AFAP1L2: variants seen among roughly 807,000 people sequenced by gnomAD.
AFAP1L2 encodes the protein actin filament-associated protein 1-like 2.
Under a neutral mutation model 99.3 loss-of-function variants are expected in AFAP1L2, and 46 were observed. The ratio of observed to expected loss-of-function variants is 0.46; its 90% CI spans 0.37 to 0.59. The LOEUF is 0.59. Among genes scored for constraint, AFAP1L2 ranks in the 20% least tolerant of loss-of-function variants. The pLI, the probability that AFAP1L2 is intolerant of heterozygous loss-of-function variation, is 0.00. For missense variants in AFAP1L2, 959 were observed against 1,034.9 expected, an observed-to-expected ratio of 0.93 and a Z score of 1.01; for synonymous variants, 397 against 419.1, an observed-to-expected ratio of 0.95 and a Z score of 0.64.
At chr10:114,319,179 A>G (rs1396320800) in intron 5 of AFAP1L2, among the ~76,000 whole-genome samples, 1 of 152,022 alleles carries the variant, frequency 6.6e-6, no homozygotes, top group Admixed American at 6.5e-5. Flanking sequence ...CAAAAACAGT[A>G]TGATATTCTT....
chr10:114,347,333 C>T (rs1441329517), intron 1 of AFAP1L2, among the ~76,000 whole-genome samples: 1 of 152,192 alleles, frequency 6.6e-6, no homozygotes, highest in Non-Finnish European at 1.5e-5. Flanking sequence ...AAATACACTC[C>T]TCACACCACC....
the AFAP1L2 span, chr10:114,281,799 G>C: frequency 1.0e-6 from 1 of 964,152 alleles, no homozygotes; most frequent in Non-Finnish European, 1.2e-6. Flanking sequence ...GAAAAGTGAA[G>C]ATAGAATTAC....
chr10:114,319,386 G>A (rs12781207), intron 5 of AFAP1L2, among the ~76,000 whole-genome samples: 9,547 of 144,390 alleles, frequency 0.066, 428 homozygotes, highest in South Asian at 0.16. Flanking sequence ...GGGGGTGGGG[G>A]CTGTGGAAAG....
chr10:114,404,635 G>T (rs898808906), upstream of AFAP1L2: 3 of 873,734 alleles, frequency 3.4e-6, no homozygotes, highest in Admixed American at 9.0e-5. Flanking sequence ...CTCGCCCCCA[G>T]CGCCCCTGTC....
intron 5 of AFAP1L2, among the ~76,000 whole-genome samples, chr10:114,318,012 A>T (rs2044419753): frequency 6.6e-6 from 1 of 152,162 alleles, no homozygotes; most frequent in African/African-American, 2.4e-5. Flanking sequence ...AACTCTGAAA[A>T]CTAGTGTGCA....
At chr10:114,340,950 T>C (rs1016164533) in intron 1 of AFAP1L2, 29 of 610,072 alleles carry the variant, frequency 4.8e-5, no homozygotes, top group Non-Finnish European at 8.0e-5. Flanking sequence ...GGCTTGGAGA[T>C]GAACAGCCTC....
intron 1 of AFAP1L2, among the ~76,000 whole-genome samples, chr10:114,356,320 G>A (rs898118028): frequency 2.0e-5 from 3 of 152,076 alleles, no homozygotes; most frequent in East Asian, 1.9e-4. Flanking sequence ...TTTCAGGGCC[G>A]TTTTTATCTC....
At chr10:114,293,399 T>C (rs989390944), downstream of AFAP1L2, among the ~76,000 whole-genome samples, 1 of 152,230 alleles carries the variant, frequency 6.6e-6, no homozygotes, top group African/African-American at 2.4e-5. Flanking sequence ...ATTACTTGGA[T>C]TTAAACAGCA....
intron 4 of AFAP1L2, among the ~76,000 whole-genome samples, chr10:114,325,382 G>T (rs1410165545): frequency 6.6e-6 from 1 of 152,286 alleles, no homozygotes; most frequent in African/African-American, 2.4e-5. Context: ...AAGCTGAGAC[G>T]AAGAGGATCG....
intron 7 of AFAP1L2, among the ~76,000 whole-genome samples, chr10:114,313,570 C>T (rs1332234922): frequency 2.0e-5 from 3 of 152,124 alleles, no homozygotes; most frequent in East Asian, 1.9e-4. Context: ...ATGGCAAATA[C>T]GTGGCAAATG....
chr10:114,302,598 CTG>C (rs1486756859), intron 11 of AFAP1L2, 114 bp from the exon 12 acceptor site: 3 of 1,320,370 alleles, frequency 2.3e-6, no homozygotes, highest in Non-Finnish European at 2.1e-6. Context: ...ACGAAAGCCT[CTG>C]TAACAGCCCG....
intron 2 of AFAP1L2, among the ~76,000 whole-genome samples, chr10:114,335,826 C>G (rs2047890256): frequency 2.0e-5 from 3 of 152,106 alleles, no homozygotes; most frequent in African/African-American, 7.2e-5. Context: ...GAAATGTGTG[C>G]ATGCAGCAAT....
intron 1 of AFAP1L2, among the ~76,000 whole-genome samples, chr10:114,343,537 C>T (rs896656360): frequency 5.3e-5 from 8 of 152,178 alleles, no homozygotes; most frequent in African/African-American, 1.9e-4. Flanking sequence ...AGCAGATTTA[C>T]AAATAACCAG....
At chr10:114,334,380 T>C (rs1260831017) in intron 2 of AFAP1L2, among the ~76,000 whole-genome samples, 1 of 152,210 alleles carries the variant, frequency 6.6e-6, no homozygotes, top group African/African-American at 2.4e-5. Flanking sequence ...AATTTGCATT[T>C]CCTAGAAACT....
intron 1 of AFAP1L2, among the ~76,000 whole-genome samples, chr10:114,398,064 G>T (rs564822791): frequency 1.3e-5 from 2 of 152,160 alleles, no homozygotes; most frequent in African/African-American, 2.4e-5. Context: ...ACGCGTCCAG[G>T]GGGAGGCAGG....
intron 8 of AFAP1L2, among the ~76,000 whole-genome samples, chr10:114,308,980 G>A (rs918822464): frequency 1.3e-5 from 2 of 152,224 alleles, no homozygotes; most frequent in African/African-American, 4.8e-5. Context: ...GCCTCACTCT[G>A]CATGTGTCAC....
the AFAP1L2 span, chr10:114,286,293 T>G: frequency 9.9e-6 from 16 of 1,610,420 alleles, no homozygotes; most frequent in East Asian, 3.6e-4. Flanking sequence ...GTGGTGGTTT[T>G]GCTCACTGAG....
intron 1 of AFAP1L2, among the ~76,000 whole-genome samples, chr10:114,390,781 C>T (rs1182901451): frequency 6.6e-6 from 1 of 151,866 alleles, no homozygotes; most frequent in Non-Finnish European, 1.5e-5. Context: ...GCCTATACTC[C>T]CTCAGCTCTG....
In AFAP1L2 at chr10:114,295,601, A is replaced by T; in HGVS notation, c.*441T>A. 1.0e-6 allele frequency: 1 copy of T among 989,942 alleles called. No homozygotes were observed. The highest frequency in any genetic ancestry group is 1.2e-6 in the Non-Finnish European group (1 of 832,956). The allele number at this position is 989,942 out of a possible 1,614,324, so 61.3% of individuals were successfully genotyped here. ...AAGGATGGTTTAATCCCCAACTGCT[A>T]AGTATTGGATAAGAGATGATGGCCA... On this transcript the variant is annotated 3_prime_UTR_variant, in exon 19 of 19. Transcript: ENST00000304129.
Sources: allele counts gnomAD v4.1 joint callset (sites outside exome capture counted in the v4.1 genomes callset), GRCh38; gene constraint gnomAD v4.1.1; transcripts MANE v1.5; gene names NCBI Gene and HGNC (gene_info 2026-07-23, HGNC 2026-07-21).